RGS8: variants seen among roughly 807,000 people sequenced by gnomAD.
RGS8 encodes regulator of G protein signaling 8, also known as regulator of G-protein signaling 8.
RGS8 carries 8 observed loss-of-function variants against 21.7 expected under a neutral mutation model. The observed-to-expected ratio is 0.37, with a 90% CI of 0.22 to 0.66. RGS8 has a LOEUF of 0.66. Ranked by LOEUF, RGS8 falls within the 30% of genes least tolerant of loss-of-function variation. RGS8 has a pLI of 0.59. For synonymous variants in RGS8, 80 were observed against 83.6 expected (o/e 0.96, Z 0.24); for missense variants, 157 against 217.9 (o/e 0.72, Z 1.76).
chr1:182,720,274 T>G, the RGS8 span, among the ~76,000 whole-genome samples: 1 of 152,214 alleles, frequency 6.6e-6, no homozygotes, highest in Non-Finnish European at 1.5e-5. Flanking sequence ...TGATTGGATT[T>G]AACTGCAGAT....
downstream of RGS8, chr1:182,643,511 T>C (rs988302312): frequency 8.6e-5 from 13 of 152,034 alleles, no homozygotes; most frequent in African/African-American, 2.4e-4. Flanking sequence ...CCTAGGTGAT[T>C]CTAAGGAGCA....
chr1:182,645,578 C>A (rs745752845), downstream of RGS8: 6 of 152,224 alleles, frequency 3.9e-5, no homozygotes, highest in East Asian at 9.6e-4. Context: ...CTTAGCCACA[C>A]CTCCTATTTC....
At chr1:182,732,317 C>T in the RGS8 span, among the ~76,000 whole-genome samples, 1 of 146,500 alleles carries the variant, frequency 6.8e-6, no homozygotes, top group Non-Finnish European at 1.5e-5. Flanking sequence ...TGTAGCAGTA[C>T]TAGGTTGCGC....
the RGS8 span, among the ~76,000 whole-genome samples, chr1:182,692,786 G>C: frequency 6.7e-6 from 1 of 149,840 alleles, no homozygotes; most frequent in Non-Finnish European, 1.5e-5. Flanking sequence ...TAGACACATA[G>C]ACCAATAGAA....
At chr1:182,655,985 C>T (rs752241462) in intron 5 of RGS8, among the ~76,000 whole-genome samples, 36 of 152,318 alleles carry the variant, frequency 2.4e-4, no homozygotes, top group Non-Finnish European at 3.2e-4. Flanking sequence ...CCCAAGCGTT[C>T]TCATCTCTAA....
At chr1:182,666,367 C>T (rs1389523614) in intron 4 of RGS8, among the ~76,000 whole-genome samples, 3 of 152,166 alleles carry the variant, frequency 2.0e-5, no homozygotes, top group Non-Finnish European at 4.4e-5. Flanking sequence ...AGACTCAGCT[C>T]CTGACTCCAT....
the RGS8 span, among the ~76,000 whole-genome samples, chr1:182,746,327 C>T: frequency 6.6e-6 from 1 of 152,160 alleles, no homozygotes; most frequent in African/African-American, 2.4e-5. Flanking sequence ...AAAATAACTT[C>T]TTAGATGCAA....
At chr1:182,701,023 T>G in the RGS8 span, among the ~76,000 whole-genome samples, 1 of 152,366 alleles carries the variant, frequency 6.6e-6, no homozygotes, top group East Asian at 1.9e-4. Context: ...TCATATAAAT[T>G]TACCCAACAT....
chr1:182,692,675 CAA>C, the RGS8 span, among the ~76,000 whole-genome samples: 336 of 27,908 alleles, frequency 0.012, no homozygotes, highest in Non-Finnish European at 0.017. Flanking sequence ...CAATCCTAAG[CAA>C]AAAAAAAAAA....
chr1:182,744,458 T>G, the RGS8 span, among the ~76,000 whole-genome samples: 2 of 152,216 alleles, frequency 1.3e-5, no homozygotes, highest in Admixed American at 6.5e-5. Flanking sequence ...CACAGTCATG[T>G]GCCACATAAT....
chr1:182,711,541 G>C, the RGS8 span, among the ~76,000 whole-genome samples: 5 of 152,218 alleles, frequency 3.3e-5, no homozygotes, highest in Admixed American at 2.6e-4. Flanking sequence ...AGGGAGGAAA[G>C]GAGGACTGAT....
At chr1:182,712,411 T>C in the RGS8 span, among the ~76,000 whole-genome samples, 2 of 152,344 alleles carry the variant, frequency 1.3e-5, 1 homozygote, top group South Asian at 4.1e-4. Context: ...TCTTGTTCCA[T>C]CTGAATTTGA....
intron 5 of RGS8, among the ~76,000 whole-genome samples, chr1:182,653,567 G>A (rs1360725525): frequency 2.0e-5 from 3 of 152,026 alleles, no homozygotes; most frequent in East Asian, 3.9e-4. Context: ...AGTGGCATGC[G>A]CCTGTAATCC....
chr1:182,697,779 A>G, the RGS8 span, among the ~76,000 whole-genome samples: 1 of 152,188 alleles, frequency 6.6e-6, no homozygotes, highest in Non-Finnish European at 1.5e-5. Flanking sequence ...CCCTCACCCC[A>G]GCCAATCCTC....
the RGS8 span, among the ~76,000 whole-genome samples, chr1:182,732,810 C>G: frequency 5.3e-5 from 8 of 152,330 alleles, no homozygotes; most frequent in South Asian, 8.3e-4. Context: ...AGCAAGATGA[C>G]AGCCACAGTG....
the RGS8 span, among the ~76,000 whole-genome samples, chr1:182,701,693 A>G: frequency 6.6e-6 from 1 of 152,234 alleles, no homozygotes; most frequent in Non-Finnish European, 1.5e-5. Flanking sequence ...CCCCCAGCTA[A>G]GTAGGCAGAG....
At chr1:182,688,880 G>A (rs1664761585), upstream of RGS8, among the ~76,000 whole-genome samples, 3 of 152,086 alleles carry the variant, frequency 2.0e-5, no homozygotes. Context: ...AATGAGCGGG[G>A]AAACAGAACC....
the RGS8 span, among the ~76,000 whole-genome samples, chr1:182,742,151 C>A: frequency 6.7e-6 from 1 of 150,200 alleles, no homozygotes; most frequent in African/African-American, 2.4e-5. Flanking sequence ...GGCGGCCGGG[C>A]AGAGACGCTC....
the RGS8 span, among the ~76,000 whole-genome samples, chr1:182,695,163 T>C: frequency 6.6e-6 from 1 of 152,186 alleles, no homozygotes. Context: ...AAAAGGTATT[T>C]GGCAAGAACA....
Sources: gnomAD v4.1 joint callset for allele counts (sites outside exome capture counted in the v4.1 genomes callset) on GRCh38, gnomAD v4.1.1 for gene constraint, MANE v1.5 for transcripts, NCBI Gene and HGNC (gene_info 2026-07-23, HGNC 2026-07-21) for gene names.